The following UGT3A1 variants were observed in gnomAD, a reference collection of about 807,000 sequenced individuals.
The protein encoded by UGT3A1 is UDP glycosyltransferase family 3 member A1, also known as UDP-glycosyltransferase 3A1.
UGT3A1 carries 40 observed loss-of-function variants against 37.6 expected under a neutral mutation model. The ratio of observed to expected loss-of-function variants is 1.06; its 90% CI spans 0.83 to 1.38. The LOEUF (loss-of-function observed/expected upper bound fraction) is 1.38. Ranked by LOEUF, UGT3A1 falls within the 40% of genes most tolerant of loss-of-function variation. UGT3A1 has a pLI of 0.00. For synonymous variants in UGT3A1, 256 were observed against 232.3 expected, an observed-to-expected ratio of 1.10 and a Z score of -0.93; for missense variants, 642 against 634.2, an observed-to-expected ratio of 1.01 and a Z score of -0.13.
At chr5:35,960,301 C>A (rs1195079815) in intron 4 of UGT3A1, among the ~76,000 whole-genome samples, 10 of 152,270 alleles carry the variant, frequency 6.6e-5, no homozygotes, top group African/African-American at 2.4e-4. Context: ...TTACAGTAAT[C>A]CAAGTAGTGT....
intron 1 of UGT3A1, among the ~76,000 whole-genome samples, chr5:35,990,773 C>A (rs2111558771): frequency 6.6e-6 from 1 of 152,274 alleles, no homozygotes; most frequent in Non-Finnish European, 1.5e-5. Flanking sequence ...AGCTACTGTG[C>A]ACCTCCCGGC....
intron 2 of UGT3A1, 35 bp from the exon 3 acceptor site, chr5:35,968,168 T>C (rs770290070): frequency 1.3e-5 from 17 of 1,297,974 alleles, no homozygotes; most frequent in African/African-American, 4.4e-5. Flanking sequence ...AAGGTAAATA[T>C]ATCATACAAC....
At position 35,954,137 on chromosome 5, in the gene UGT3A1, C is replaced by T; in HGVS notation, c.*65G>A. Reference sequence around the variant, plus strand: ...AGAGAGAACAGAGGGGTGGCGTGTGCTGGGGTGGGGAGAACCTTCAAAGGA... The same window carrying T: ...AGAGAGAACAGAGGGGTGGCGTGTGTTGGGGTGGGGAGAACCTTCAAAGGA... On this transcript the variant is annotated 3_prime_UTR_variant, in exon 7 of 7. Coordinates refer to ENST00000274278, the MANE Select transcript of UGT3A1 (RefSeq NM_152404.4). The T allele has an allele frequency of 1.9e-6, 3 of 1,547,402 alleles. No homozygotes were observed. Among genetic ancestry groups the T allele is most frequent in the Non-Finnish European group, 2.6e-6 (3 of 1,137,232 alleles).
intron 3 of UGT3A1, among the ~76,000 whole-genome samples, chr5:35,966,580 G>T (rs998856605): frequency 2.6e-5 from 4 of 152,156 alleles, no homozygotes; most frequent in Non-Finnish European, 5.9e-5. Flanking sequence ...CTGACACCTA[G>T]TTAAGACTCT....
intron 4 of UGT3A1, 57 bp from the exon 5 acceptor site, chr5:35,957,476 A>G: frequency 7.1e-7 from 1 of 1,415,080 alleles, no homozygotes; most frequent in Non-Finnish European, 9.8e-7. Context: ...CTAAGTGTCC[A>G]TGAAATGAAA....
At chr5:35,956,905 T>A (rs1378351936) in intron 5 of UGT3A1, among the ~76,000 whole-genome samples, 1 of 152,006 alleles carries the variant, frequency 6.6e-6, no homozygotes, top group Non-Finnish European at 1.5e-5. Flanking sequence ...TGTAGTAGGG[T>A]CAAGGCAACA....
intron 2 of UGT3A1, among the ~76,000 whole-genome samples, chr5:35,968,559 TTAAAA>T (rs1739909661): frequency 1.3e-5 from 2 of 152,306 alleles, no homozygotes; most frequent in African/African-American, 4.8e-5. Context: ...TTTTCAAGAC[TTAAAA>T]TAATACCTAC....
At chr5:35,990,131 C>T (rs545488173) in intron 1 of UGT3A1, among the ~76,000 whole-genome samples, 2 of 151,630 alleles carry the variant, frequency 1.3e-5, no homozygotes, top group Non-Finnish European at 2.9e-5. Context: ...TTAGTGAAAA[C>T]GGCATCAGAG....
chr5:35,998,826 C>A (rs1741153888), intron 1 of UGT3A1, among the ~76,000 whole-genome samples: 1 of 152,102 alleles, frequency 6.6e-6, no homozygotes, highest in Non-Finnish European at 1.5e-5. Context: ...TTGAGCTTGT[C>A]AACTGGCAAA....
intron 4 of UGT3A1, among the ~76,000 whole-genome samples, chr5:35,964,326 A>G (rs1336527885): frequency 6.6e-6 from 1 of 152,122 alleles, no homozygotes; most frequent in African/African-American, 2.4e-5. Context: ...CTTCTACTAC[A>G]CTAATCTAGC....
intron 5 of UGT3A1, among the ~76,000 whole-genome samples, chr5:35,956,552 G>A (rs1419330754): frequency 2.6e-5 from 4 of 152,146 alleles, no homozygotes; most frequent in Non-Finnish European, 5.9e-5. Flanking sequence ...GTCAGTGAGA[G>A]GTCTCCAAAA....
chr5:35,988,343 A>G (rs1740803582), intron 2 of UGT3A1, 107 bp downstream of exon 2: 1 of 745,266 alleles, frequency 1.3e-6, no homozygotes, highest in African/African-American at 1.8e-5. Flanking sequence ...TCATCCCGAA[A>G]TAAGACTAGA....
In UGT3A1 at chr5:35,957,210, C is replaced by T; in HGVS notation, c.1053G>A (p.Trp351Ter). The change falls in exon 5 of 7, where the codon TGG becomes TGA. Residue 351 changes from tryptophan to a stop codon, truncating the protein, a stop_gained. Transcript: ENST00000274278. LOFTEE classifies it high-confidence loss of function. ...HLATNVKIVDWLPQSDLLAHP... is the reference protein window; with the variant it reads ...HLATNVKIVD ...TACCCAGGAGGTCACTCTGAGGAAG[C>T]CAGTCCACAATTTTCACATTTGTGG... The T allele has an allele frequency of 6.2e-7, 1 of 1,614,106 alleles. No individual in the cohort carries two copies. Among genetic ancestry groups the T allele is most frequent in the Non-Finnish European group, 8.5e-7 (1 of 1,180,012 alleles).
At chr5:35,962,454 T>C (rs1015712070) in intron 4 of UGT3A1, 10 of 157,660 alleles carry the variant, frequency 6.3e-5, no homozygotes, top group Non-Finnish European at 1.3e-4. Flanking sequence ...ATAGAGAGGT[T>C]GAGGTGGACC....
intron 2 of UGT3A1, among the ~76,000 whole-genome samples, chr5:35,971,930 G>A (rs372656275): frequency 1.2e-4 from 18 of 152,214 alleles, no homozygotes; most frequent in African/African-American, 4.3e-4. Flanking sequence ...ACTTAACCAT[G>A]ACCCACCATG....
chr5:35,959,667 A>G (rs984879754), intron 4 of UGT3A1, among the ~76,000 whole-genome samples: 1 of 152,178 alleles, frequency 6.6e-6, no homozygotes, highest in Non-Finnish European at 1.5e-5. Flanking sequence ...ACAAAATGTA[A>G]GGGACAATAG....
At chr5:35,993,475 ATGCAGATTCAC>A (rs1308583074), upstream of UGT3A1, among the ~76,000 whole-genome samples, 1 of 151,848 alleles carries the variant, frequency 6.6e-6, no homozygotes, top group Non-Finnish European at 1.5e-5. Context: ...AAAAAAAAAA[ATGCAGATTCAC>A]TGAGCCAGAC....
chr5:35,977,390 T>C (rs1740332600), intron 2 of UGT3A1, among the ~76,000 whole-genome samples: 1 of 152,186 alleles, frequency 6.6e-6, no homozygotes, highest in Non-Finnish European at 1.5e-5. Context: ...CCCCTCCAAA[T>C]CTCATTGAAA....
At chr5:35,996,278 G>A (rs974657469), upstream of UGT3A1, among the ~76,000 whole-genome samples, 8 of 152,086 alleles carry the variant, frequency 5.3e-5, no homozygotes, top group Admixed American at 2.0e-4. Context: ...CAGGGGTTTC[G>A]CTTCTCCAAA....
Sources: gnomAD v4.1 joint callset for allele counts (sites outside exome capture counted in the v4.1 genomes callset) on GRCh38, gnomAD v4.1.1 for gene constraint, MANE v1.5 for transcripts, NCBI Gene and HGNC (gene_info 2026-07-23, HGNC 2026-07-21) for gene names.